SHANK1: variants seen among roughly 807,000 people sequenced by gnomAD.
SHANK1 encodes SH3 and multiple ankyrin repeat domains 1.
Under a neutral mutation model 165.6 loss-of-function variants are expected in SHANK1, and 35 were observed. The ratio of observed to expected loss-of-function variants is 0.21; its 90% confidence interval spans 0.16 to 0.28. The LOEUF is 0.28. SHANK1 is among the 10% of genes least tolerant of loss of function. SHANK1 has a pLI of 1.00. For missense variants in SHANK1, 2,681 were observed against 3,036.4 expected (o/e 0.88, Z 2.75); for synonymous variants, 1,428 against 1,384.8 (o/e 1.03, Z -0.69).
In SHANK1 at chr19:50,714,167, C is replaced by A; in HGVS notation, c.640+15G>T. 1 of 1,609,044 alleles carries A rather than the reference C, an allele frequency of 6.2e-7. No homozygotes were observed. Among genetic ancestry groups the A allele is most frequent in the Non-Finnish European group, 8.5e-7 (1 of 1,175,652 alleles). On this transcript the variant is annotated intron_variant, in intron 5 of 23. Coordinates refer to ENST00000293441, the MANE Select transcript of SHANK1 (RefSeq NM_016148.5). Reference sequence around the variant, plus strand: ...TCCTGGCCCTGAGGTCCTCCTGATGCGCACCCCTCCCTACCTCCCGAATCC... The same window carrying A: ...TCCTGGCCCTGAGGTCCTCCTGATGAGCACCCCTCCCTACCTCCCGAATCC...
rs1986965468 is a variant in SHANK1 at position 50,702,741 on chromosome 19, G to A, written c.1554-81C>T. On this transcript the variant is annotated intron_variant, in intron 11 of 23. Coordinates refer to ENST00000293441, the MANE Select transcript of SHANK1 (RefSeq NM_016148.5). The surrounding 1 kb of genome is among the most constrained non-coding windows in gnomAD (Gnocchi z 5.3). ...GGAGGACAGGGGTCCTTGGGTGGGG[G>A]AAGAGGACGGTGCATCAGGGGGGAG... The A allele has an allele frequency of 1.3e-5, 10 of 772,844 alleles. No homozygotes were observed. The highest frequency in any genetic ancestry group is 2.0e-5 in the Non-Finnish European group (10 of 507,892). 47.9% of individuals were successfully genotyped at this position (772,844 alleles called of 1,614,324 possible). A position where few individuals can be genotyped will look rare whatever the true frequency, so the allele number is the denominator to read the frequency against.
intron 15 of SHANK1, among the ~76,000 whole-genome samples, chr19:50,689,719 G>GT (rs1986483392): frequency 6.6e-6 from 1 of 152,340 alleles, no homozygotes; most frequent in African/African-American, 2.4e-5. Context: ...TGGGGTTGCA[G>GT]TGGGAATCCA....
At chr19:50,705,657 A>G (rs1421833847) in intron 8 of SHANK1, among the ~76,000 whole-genome samples, 1 of 152,162 alleles carries the variant, frequency 6.6e-6, no homozygotes, top group Non-Finnish European at 1.5e-5. Context: ...CATGACAACC[A>G]AAAATGTCTC....
chr19:50,669,062 G>A lies in SHANK1; in HGVS notation c.2898C>T (p.Ser966=), dbSNP rs369005183. The change falls in exon 23 of 24, where the codon TCC becomes TCT. Residue 966 remains serine, a synonymous_variant. Transcript: ENST00000293441. The stretch of plus-strand genomic sequence containing the variant: ...GGGAGGGCCCGTCAAAGGATGCAGG[G>A]GAGGAGGCGGGGAGGGGGCCACCAG... ...PGSGGPLPAS[S]PASFDGPSPP... The A allele has an allele frequency of 2.8e-6, 3 of 1,089,932 alleles. No individual in the cohort carries two copies. The highest frequency in any genetic ancestry group is 5.3e-5 in the East Asian group (2 of 37,690). 67.5% of individuals were successfully genotyped at this position (1,089,932 alleles called of 1,614,324 possible).
At chr19:50,677,598 G>A (rs1038436564) in intron 21 of SHANK1, among the ~76,000 whole-genome samples, 123 of 152,208 alleles carry the variant, frequency 8.1e-4, no homozygotes, top group African/African-American at 2.8e-3. Flanking sequence ...CTTATACCTT[G>A]AGAGCCCAGC....
Position 50,667,586 on chromosome 19 carries a change from G to A in SHANK1, c.4374C>T (p.Leu1458=), listed in dbSNP as rs573790911. ...LPPTAPGVGP[L]LLQLGTEPPA... ...GGGGCTCCGTCCCCAGCTGCAGCAG[G>A]AGGGGCCCCACCCCGGGAGCGGTGG... The change falls in exon 23 of 24, where the codon CTC becomes CTT. Residue 1458 remains leucine, a synonymous_variant. Coordinates refer to ENST00000293441, the MANE Select transcript of SHANK1 (RefSeq NM_016148.5). The surrounding 1 kb of genome is among the most constrained non-coding windows in gnomAD (Gnocchi z 5.7). The A allele has an allele frequency of 6.2e-5, 89 of 1,442,316 alleles. No homozygotes were observed. The African/African-American group carries it at 1.2e-3, about 19-fold the overall frequency. 89.3% of individuals were successfully genotyped at this position (1,442,316 alleles called of 1,614,324 possible).
At chr19:50,673,889 G>A (rs1270447043) in intron 21 of SHANK1, among the ~76,000 whole-genome samples, 1 of 151,680 alleles carries the variant, frequency 6.6e-6, no homozygotes, top group Non-Finnish European at 1.5e-5. Context: ...GGCCTCCCGG[G>A]CCCAAGCGAT....
At chr19:50,710,187 G>C (rs909295801) in intron 8 of SHANK1, among the ~76,000 whole-genome samples, 2 of 152,210 alleles carry the variant, frequency 1.3e-5, no homozygotes, top group Non-Finnish European at 2.9e-5. Flanking sequence ...CAGAGCAGGA[G>C]ACAGGAGCAC....
At chr19:50,699,542 G>A (rs1352311315) in intron 12 of SHANK1, among the ~76,000 whole-genome samples, 2 of 152,226 alleles carry the variant, frequency 1.3e-5, no homozygotes, top group Non-Finnish European at 2.9e-5. Context: ...GGGAGGCAAA[G>A]AGAGCATGGA....
intron 15 of SHANK1, among the ~76,000 whole-genome samples, chr19:50,692,749 T>C (rs1220316572): frequency 6.6e-6 from 1 of 151,216 alleles, no homozygotes; most frequent in East Asian, 1.9e-4. Context: ...ACCCCTCCTC[T>C]CTGCACCTCA....
chr19:50,711,540 C>T lies in SHANK1; in HGVS notation c.961-53G>A, dbSNP rs1301166255. 3 of 1,334,360 alleles carry T rather than the reference C, an allele frequency of 2.2e-6. No homozygotes were observed. In the African/African-American group the frequency reaches 4.3e-5, roughly 19 times the overall value. The allele number at this position is 1,334,360 out of a possible 1,614,324, so 82.7% of individuals were successfully genotyped here. A position where few individuals can be genotyped will look rare whatever the true frequency, so the allele number is the denominator to read the frequency against. ...GGATCAGACCCAGGCTGTTCTCCCT[C>T]TGGGCCAAGAGTCTGTCTATGACCT... On this transcript the variant is annotated intron_variant, in intron 7 of 23. Transcript: ENST00000293441.
At position 50,667,548 on chromosome 19, in the gene SHANK1, G is replaced by A. The variant is rs1985586749; in HGVS notation, c.4412C>T (p.Pro1471Leu). The A allele has an allele frequency of 6.8e-7, 1 of 1,478,396 alleles. No homozygotes were observed. Among genetic ancestry groups the A allele is most frequent in the African/African-American group, 1.5e-5 (1 of 68,672 alleles). The allele number at this position is 1,478,396 out of a possible 1,614,324, so 91.6% of individuals were successfully genotyped here. Residue 1471 changes from proline to leucine, a missense_variant, in exon 23 of 24, where the codon CCC becomes CTC. Transcript: ENST00000293441. This position sits in a 1 kb window ranked among gnomAD's most constrained non-coding sequence, Gnocchi z 5.7. ...QLGTEPPAPH[P>L]GVSKPWRSAA... ...GGACCTCCAGGGCTTGCTTACTCCG[G>A]GGTGCGGGGCCGGGGGCTCCGTCCC...
Position 50,688,968 on chromosome 19 carries a change from G to A in SHANK1, c.2048C>T (p.Ala683Val). 1.3e-6 allele frequency: 2 copies of A among 1,542,234 alleles called. No homozygotes were observed. The highest frequency in any genetic ancestry group is 1.8e-6 in the Non-Finnish European group (2 of 1,139,066). Residue 683 changes from alanine to valine, a missense_variant and splice_region_variant, in exon 17 of 24, where the codon GCG becomes GTG. By Grantham distance (64) the Ala-to-Val change is moderately conservative (BLOSUM62 0). This residue lies in a region of SHANK1 where 147 missense variants were observed against 256.5 expected (regional missense o/e 0.57). Transcript: ENST00000293441. This position sits in a 1 kb window ranked among gnomAD's most constrained non-coding sequence, Gnocchi z 6.7. The part of the protein sequence containing the change: ...GFGFVLRGAK[A>V]QTPIEEFTPT... Reference sequence around the variant, plus strand: ...GGTGAACTCCTCGATGGGGGTCTGCGCTGCAGACAGGGAGGAGCCGGCGGG... The same window carrying A: ...GGTGAACTCCTCGATGGGGGTCTGCACTGCAGACAGGGAGGAGCCGGCGGG...
intron 21 of SHANK1, among the ~76,000 whole-genome samples, chr19:50,682,680 G>A (rs547762660): frequency 1.5e-4 from 23 of 152,250 alleles, no homozygotes; most frequent in African/African-American, 3.4e-4. Flanking sequence ...ACTGGGGGGA[G>A]GCATGAAGAA....
rs987429008 is a variant in SHANK1 at position 50,667,592 on chromosome 19, C to T, written c.4368G>A (p.Gly1456=). Reference sequence around the variant, plus strand: ...CCGTCCCCAGCTGCAGCAGGAGGGGCCCCACCCCGGGAGCGGTGGGCGGCA... The same window carrying T: ...CCGTCCCCAGCTGCAGCAGGAGGGGTCCCACCCCGGGAGCGGTGGGCGGCA... The part of the protein sequence containing the change: ...HRLPPTAPGV[G]PLLLQLGTEP... Residue 1456 remains glycine, a synonymous_variant, in exon 23 of 24, where the codon GGG becomes GGA. Coordinates refer to ENST00000293441, the MANE Select transcript of SHANK1 (RefSeq NM_016148.5). This position sits in a 1 kb window ranked among gnomAD's most constrained non-coding sequence, Gnocchi z 5.7. 19 of 1,438,622 alleles carry T rather than the reference C, an allele frequency of 1.3e-5. 3 individuals carry two copies. The Admixed American group carries it at 4.0e-4, about 30-fold the overall frequency. The allele number at this position is 1,438,622 out of a possible 1,614,324, so 89.1% of individuals were successfully genotyped here. A position where few individuals can be genotyped will look rare whatever the true frequency, so the allele number is the denominator to read the frequency against.
Position 50,666,744 on chromosome 19 carries a change from C to A in SHANK1, c.5216G>T (p.Gly1739Val), listed in dbSNP as rs76667316. Residue 1739 changes from glycine to valine, a missense_variant, in exon 23 of 24, where the codon GGC becomes GTC. Gly to Val is a moderately radical substitution (Grantham distance 109). Transcript: ENST00000293441. ...VAYLDGQAFGGSSTPGPPYPP... is the reference protein window; with the variant it reads ...VAYLDGQAFGVSSTPGPPYPP... ...GTATGGCGGGCCGGGAGTACTGCTG[C>A]CCCCAAAGGCCTGGCCGTCCAGGTA... is the stretch of plus-strand genomic sequence containing the variant. 1 of 1,562,284 alleles carries A rather than the reference C, an allele frequency of 6.4e-7. No homozygotes were observed. The highest frequency in any genetic ancestry group is 2.4e-5 in the East Asian group (1 of 42,218).
chr19:50,704,060 C>G (rs1158265721), intron 10 of SHANK1, 60 bp downstream of exon 10: 1 of 1,553,868 alleles, frequency 6.4e-7, no homozygotes, highest in Non-Finnish European at 8.9e-7. Flanking sequence ...CTCCCCCATC[C>G]CACCATGAAA....
At position 50,668,098 on chromosome 19, in the gene SHANK1, T is replaced by C. The variant is rs1285293210; in HGVS notation, c.3862A>G (p.Ile1288Val). ...PGPRLRHSKSIDEGMFSAEPY... is the reference protein window; with the variant it reads ...PGPRLRHSKSVDEGMFSAEPY... Reference sequence around the variant, plus strand: ...TCGGCGGAGAACATGCCCTCGTCGATGGATTTGGAGTGGCGCAGCCGCGGG... The same window carrying C: ...TCGGCGGAGAACATGCCCTCGTCGACGGATTTGGAGTGGCGCAGCCGCGGG... The change falls in exon 23 of 24, where the codon ATC becomes GTC. Residue 1288 changes from isoleucine to valine, a missense_variant. Coordinates refer to ENST00000293441, the MANE Select transcript of SHANK1 (RefSeq NM_016148.5). 2.0e-6 allele frequency: 3 copies of C among 1,480,160 alleles called. No homozygotes were observed. 91.7% of individuals were successfully genotyped at this position (1,480,160 alleles called of 1,614,324 possible).
chr19:50,677,102 C>T lies in SHANK1; in HGVS notation c.2578-4988G>A, dbSNP rs1433391863. Among the ~76,000 whole-genome samples, 5 of 151,692 alleles carry T rather than the reference C, an allele frequency of 3.3e-5. No individual in the cohort carries two copies. The East Asian group carries it at 9.6e-4, about 29-fold the overall frequency. ...TCTTTAAGACCATGGAGGCTGCTAA[C>T]CTGCCTGAGACTTCCTATCTCATAC... On this transcript the variant is annotated intron_variant, in intron 21 of 23. Transcript: ENST00000293441.
Sources: allele counts gnomAD v4.1 joint callset (sites outside exome capture counted in the v4.1 genomes callset), GRCh38; gene constraint gnomAD v4.1.1; regional missense constraint gnomAD v4.1.1; non-coding constraint Gnocchi (gnomAD v3.1); transcripts MANE v1.5; gene names NCBI Gene and HGNC (gene_info 2026-07-23, HGNC 2026-07-21).